The following LRRFIP1 variants were observed in gnomAD, a reference collection of about 807,000 sequenced individuals.
The protein encoded by LRRFIP1 is LRR binding FLII interacting protein 1.
In LRRFIP1, 62 loss-of-function variants were observed where a neutral mutation model predicts 104.4. The ratio of observed to expected loss-of-function variants is 0.59; its 90% CI spans 0.48 to 0.73. LRRFIP1 has a LOEUF of 0.73. Ranked by LOEUF, LRRFIP1 falls within the 30% of genes least tolerant of loss-of-function variation. The pLI, the probability that LRRFIP1 is intolerant of heterozygous loss-of-function variation, is 0.00. For missense variants in LRRFIP1, 796 were observed against 824.5 expected, an observed-to-expected ratio of 0.97 and a Z score of 0.42; for synonymous variants, 300 against 299.0, an observed-to-expected ratio of 1.00 and a Z score of -0.03.
intron 2 of LRRFIP1, among the ~76,000 whole-genome samples, chr2:237,712,657 G>A (rs1197395360): frequency 3.9e-5 from 6 of 152,226 alleles, no homozygotes; most frequent in Non-Finnish European, 7.3e-5. Context: ...GTGTGTGCAT[G>A]TGTGTGCATG....
At chr2:237,753,617 G>A (rs904805448) in intron 15 of LRRFIP1, 138 bp downstream of exon 15, 4 of 615,094 alleles carry the variant, frequency 6.5e-6, no homozygotes, top group Admixed American at 3.6e-5. Flanking sequence ...GCAACATGGC[G>A]AGACATCATT....
chr2:237,715,690 G>C (rs1295060473), intron 3 of LRRFIP1, among the ~76,000 whole-genome samples: 1 of 152,214 alleles, frequency 6.6e-6, no homozygotes, highest in Admixed American at 6.5e-5. Context: ...TTGCGCCTCC[G>C]GCCCAGCCAG....
chr2:237,658,392 A>G (rs1486164169), intron 1 of LRRFIP1, among the ~76,000 whole-genome samples: 1 of 152,208 alleles, frequency 6.6e-6, no homozygotes, highest in East Asian at 1.9e-4. Flanking sequence ...GGTCCCAATA[A>G]AAATATTAAT....
In LRRFIP1 at chr2:237,735,185, T is replaced by G; in HGVS notation, c.490-83T>G. ...TCATGCTCCTGGCACGTGTCAGTTT[T>G]TCACAGCTCACGTTTTCAGCACTTT... is the stretch of plus-strand genomic sequence containing the variant. On this transcript the variant is annotated intron_variant, in intron 9 of 23. Transcript: ENST00000308482. This position sits in a 1 kb window ranked among gnomAD's most constrained non-coding sequence, Gnocchi z 4.6. 1 of 1,186,036 alleles carries G rather than the reference T, an allele frequency of 8.4e-7. No homozygotes were observed. The highest frequency in any genetic ancestry group is 1.5e-5 in the African/African-American group (1 of 66,110). The allele number at this position is 1,186,036 out of a possible 1,614,324, so 73.5% of individuals were successfully genotyped here.
rs2150955745 is a variant in LRRFIP1 at position 237,780,590 on chromosome 2, T to G, written c.*1058T>G. Among the ~76,000 whole-genome samples, 1 of 152,330 alleles carries G rather than the reference T, an allele frequency of 6.6e-6. No individual in the cohort carries two copies. The highest frequency in any genetic ancestry group is 1.5e-5 in the Non-Finnish European group (1 of 68,024). On this transcript the variant is annotated 3_prime_UTR_variant, in exon 24 of 24. Coordinates refer to ENST00000308482, the MANE Select transcript of LRRFIP1 (RefSeq NM_001137550.2). Reference sequence around the variant, plus strand: ...ATTTTTAGTGACTGTTCATATATGTTGTATTTCAAGTATGGCTGGTGAAGC... The same window carrying G: ...ATTTTTAGTGACTGTTCATATATGTGGTATTTCAAGTATGGCTGGTGAAGC...
At chr2:237,732,193 C>T (rs1394946694) in intron 8 of LRRFIP1, among the ~76,000 whole-genome samples, 1 of 152,210 alleles carries the variant, frequency 6.6e-6, no homozygotes. Flanking sequence ...TTCTCTCCCT[C>T]CCCCGTGAGT....
chr2:237,678,276 T>G (rs1033855015), intron 1 of LRRFIP1, among the ~76,000 whole-genome samples: 4 of 152,184 alleles, frequency 2.6e-5, no homozygotes, highest in African/African-American at 9.7e-5. Context: ...AGCCACGGGA[T>G]GTAGAATTCC....
rs549718851 is a variant in LRRFIP1, at chr2:237,757,665, G to A, written c.1224+117G>A. On this transcript the variant is annotated intron_variant, in intron 17 of 23. Transcript: ENST00000308482. Reference sequence around the variant, plus strand: ...GTCTGAGTATGCATGCAACTCCCACGTGACACAAAGTCGTATTAATTTATT... The same window carrying A: ...GTCTGAGTATGCATGCAACTCCCACATGACACAAAGTCGTATTAATTTATT... 162 of 693,740 alleles carry A rather than the reference G, an allele frequency of 2.3e-4. 4 individuals are homozygous for A. The South Asian group carries it at 2.4e-3, about 10-fold the overall frequency. The allele number at this position is 693,740 out of a possible 1,614,324, so 43.0% of individuals were successfully genotyped here.
chr2:237,738,261 G>A (rs923114276), intron 10 of LRRFIP1, among the ~76,000 whole-genome samples: 4 of 147,902 alleles, frequency 2.7e-5, no homozygotes, highest in African/African-American at 1.1e-4. Flanking sequence ...GAGCACCCGT[G>A]AAGATCTGGA....
intron 1 of LRRFIP1, among the ~76,000 whole-genome samples, chr2:237,693,492 G>GA (rs1180951555): frequency 1.1e-4 from 16 of 152,306 alleles, no homozygotes; most frequent in African/African-American, 3.9e-4. Context: ...TTTTTTAAAT[G>GA]TCCATTTTAG....
chr2:237,688,831 AGTTTT>A (rs1455857456), intron 1 of LRRFIP1, among the ~76,000 whole-genome samples: 1 of 151,680 alleles, frequency 6.6e-6, no homozygotes, highest in African/African-American at 2.4e-5. Flanking sequence ...TCGGGGTTTT[AGTTTT>A]GTCTTCGAGG....
At chr2:237,739,583 A>G (rs375178650) in intron 11 of LRRFIP1, among the ~76,000 whole-genome samples, 34 of 152,316 alleles carry the variant, frequency 2.2e-4, no homozygotes, top group African/African-American at 7.9e-4. Context: ...AATTTGAAGT[A>G]TTGACTGTTA....
intron 1 of LRRFIP1, among the ~76,000 whole-genome samples, chr2:237,701,450 G>A (rs567887761): frequency 2.0e-5 from 3 of 152,366 alleles, no homozygotes; most frequent in East Asian, 3.9e-4. Context: ...GAGGGCGTGC[G>A]GGAGGGCTCT....
intron 1 of LRRFIP1, among the ~76,000 whole-genome samples, chr2:237,687,824 G>A (rs557035455): frequency 6.6e-5 from 10 of 152,268 alleles, no homozygotes; most frequent in East Asian, 1.9e-4. Context: ...TGTCCTCCCC[G>A]TCTGCCCTCA....
chr2:237,756,905 G>A lies in LRRFIP1; in HGVS notation c.1132-551G>A, dbSNP rs183483136. ...TTTGATGGAACAAGCATCCTTCTAA[G>A]AGGAAGGCAACTCAAAGGCAGAAGT... On this transcript the variant is annotated intron_variant, in intron 16 of 23. Coordinates refer to ENST00000308482, the MANE Select transcript of LRRFIP1 (RefSeq NM_001137550.2). Among the ~76,000 whole-genome samples, 18 of 151,728 alleles carry A rather than the reference G, an allele frequency of 1.2e-4. No homozygotes were observed. In the East Asian group the frequency reaches 3.8e-3, roughly 32 times the overall value.
chr2:237,682,480 T>A (rs771589983), intron 1 of LRRFIP1, among the ~76,000 whole-genome samples: 48 of 152,250 alleles, frequency 3.2e-4, no homozygotes, highest in Non-Finnish European at 5.9e-4. Context: ...TGAGGCCTTC[T>A]GCACAGGTCA....
intron 10 of LRRFIP1, among the ~76,000 whole-genome samples, chr2:237,737,783 A>G (rs1268394774): frequency 6.6e-6 from 1 of 152,208 alleles, no homozygotes; most frequent in African/African-American, 2.4e-5. Context: ...TATATCTCAA[A>G]TGTGGCATTG....
At chr2:237,670,389 T>C (rs1207188048) in intron 1 of LRRFIP1, among the ~76,000 whole-genome samples, 1 of 152,032 alleles carries the variant, frequency 6.6e-6, no homozygotes, top group Non-Finnish European at 1.5e-5. Context: ...GATTTTAAGA[T>C]GGAGGGGAAA....
chr2:237,719,692 C>A, intron 5 of LRRFIP1, 125 bp downstream of exon 5: 1 of 601,156 alleles, frequency 1.7e-6, no homozygotes, highest in Non-Finnish European at 2.9e-6. Flanking sequence ...AAGAAATTAA[C>A]TAATACTATT....
Sources: gnomAD v4.1 joint callset for allele counts (sites outside exome capture counted in the v4.1 genomes callset) on GRCh38, gnomAD v4.1.1 for gene constraint, Gnocchi (gnomAD v3.1) non-coding constraint, MANE v1.5 for transcripts, NCBI Gene and HGNC (gene_info 2026-07-23, HGNC 2026-07-21) for gene names.